Variants in ZNF608 observed in about 807,000 individuals in gnomAD.
ZNF608 encodes renal carcinoma antigen NY-REN-36.
ZNF608 carries 12 observed loss-of-function variants against 109.0 expected under a neutral mutation model. That is an observed-to-expected ratio of 0.11 (90% CI 0.07 to 0.18). The LOEUF (loss-of-function observed/expected upper bound fraction) is 0.18, where lower values mean the gene tolerates loss of function less well. Ranked by LOEUF, ZNF608 falls within the 10% of genes least tolerant of loss-of-function variation. ZNF608 has a pLI of 1.00. For missense variants in ZNF608, 1,707 were observed against 1,879.3 expected, an observed-to-expected ratio of 0.91 and a Z score of 1.70; for synonymous variants, 732 against 717.4, an observed-to-expected ratio of 1.02 and a Z score of -0.33.
chr5:124,735,494 A>T (rs1340641281), intron 2 of ZNF608, among the ~76,000 whole-genome samples: 1 of 152,258 alleles, frequency 6.6e-6, no homozygotes, highest in Non-Finnish European at 1.5e-5. Flanking sequence ...GGACCTGCTG[A>T]AGAAACCAGT....
At chr5:124,661,967 A>G (rs1751281367) in intron 3 of ZNF608, among the ~76,000 whole-genome samples, 1 of 152,058 alleles carries the variant, frequency 6.6e-6, no homozygotes. Flanking sequence ...CTGTAAACCA[A>G]CCCTCCCCAT....
intron 2 of ZNF608, among the ~76,000 whole-genome samples, chr5:124,729,467 G>T (rs752752424): frequency 6.6e-6 from 1 of 152,150 alleles, no homozygotes; most frequent in Non-Finnish European, 1.5e-5. Context: ...TTCTGAGCCC[G>T]GGAGAGGCTA....
In ZNF608 at chr5:124,744,999, G is replaced by A. The variant is rs752915969; in HGVS notation, c.-10C>T. The A allele has an allele frequency of 3.1e-6, 5 of 1,591,112 alleles. No individual in the cohort carries two copies. In the African/African-American group the frequency reaches 6.7e-5, roughly 21 times the overall value. On this transcript the variant is annotated 5_prime_UTR_variant, in exon 2 of 10. Coordinates refer to ENST00000513986, the MANE Select transcript of ZNF608 (RefSeq NM_020747.3). The surrounding 1 kb of genome is among the most constrained non-coding windows in gnomAD (Gnocchi z 4.5). ...AAATGTTCACTGACATCCTGAAGAT[G>A]AGCTCTCTAGAATAAAAATCCGATG...
At chr5:124,740,334 G>A (rs1209246372) in intron 2 of ZNF608, among the ~76,000 whole-genome samples, 1 of 152,078 alleles carries the variant, frequency 6.6e-6, no homozygotes, top group Non-Finnish European at 1.5e-5. Context: ...TGATTTGGAC[G>A]CCACCCTTAG....
At chr5:124,649,532 T>G in intron 4 of ZNF608, 78 bp downstream of exon 4, 1 of 1,176,414 alleles carries the variant, frequency 8.5e-7, no homozygotes, top group Non-Finnish European at 1.2e-6. Flanking sequence ...CACACTTTTA[T>G]GTATTATGAA....
At chr5:124,645,025 C>T (rs1750432810) in intron 5 of ZNF608, among the ~76,000 whole-genome samples, 1 of 152,210 alleles carries the variant, frequency 6.6e-6, no homozygotes, top group Admixed American at 6.5e-5. Context: ...CATCCTCAGA[C>T]ATATTTAATT....
chr5:124,702,622 T>C (rs1359172989), intron 2 of ZNF608, among the ~76,000 whole-genome samples: 1 of 152,134 alleles, frequency 6.6e-6, no homozygotes, highest in East Asian at 1.9e-4. Flanking sequence ...CATATGACTG[T>C]AGGAACTATT....
At chr5:124,707,568 C>T (rs1257866463) in intron 2 of ZNF608, among the ~76,000 whole-genome samples, 1 of 152,160 alleles carries the variant, frequency 6.6e-6, no homozygotes, top group African/African-American at 2.4e-5. Flanking sequence ...TTAATGTTCA[C>T]GTTTTCTCCA....
Position 124,646,822 on chromosome 5 carries a change from T to A in ZNF608, c.3562A>T (p.Asn1188Tyr), listed in dbSNP as rs752790780. 1 of 1,614,256 alleles carries A rather than the reference T, an allele frequency of 6.2e-7. No individual in the cohort carries two copies. Among genetic ancestry groups the A allele is most frequent in the East Asian group, 2.2e-5 (1 of 44,886 alleles). Residue 1188 changes from asparagine to tyrosine, a missense_variant, in exon 5 of 10, where the codon AAT becomes TAT. Physicochemically the swap from Asn to Tyr is moderately radical, Grantham distance 143. Around this residue, in one of 7 missense-constraint regions of ZNF608, gnomAD observed 1,073 missense variants for 1,133.5 expected, o/e 0.95. Transcript: ENST00000513986. ...EETGKSQLLS[N>Y]HQQQLQADSF... ...TCGGCCTGAAGCTGCTGCTGGTGAT[T>A]GGAGAGAAGCTGCGATTTACCTGTC...
At chr5:124,734,578 C>T (rs965057899) in intron 2 of ZNF608, 3 of 152,176 alleles carry the variant, frequency 2.0e-5, no homozygotes, top group Non-Finnish European at 4.4e-5. Flanking sequence ...CTCAGTACAA[C>T]CACCCCAGCC....
intron 2 of ZNF608, among the ~76,000 whole-genome samples, chr5:124,718,645 G>T (rs575176500): frequency 1.3e-5 from 2 of 152,282 alleles, no homozygotes; most frequent in South Asian, 4.1e-4. Flanking sequence ...GTGAAAGCTT[G>T]TCAGAGTAAT....
chr5:124,744,562 G>A lies in ZNF608; in HGVS notation c.428C>T (p.Pro143Leu), dbSNP rs1322995032. The A allele has an allele frequency of 6.2e-7, 1 of 1,614,194 alleles. No individual in the cohort carries two copies. Among genetic ancestry groups the A allele is most frequent in the Non-Finnish European group, 8.5e-7 (1 of 1,180,044 alleles). ...TGAATTCATGCCAGTTGCCTCTCCA[G>A]GGCGCCCTTGGACTTCCTGCCTCTT... ...TGKRQEVQGR[P>L]GEATGMNSAL... The change falls in exon 2 of 10, where the codon CCT becomes CTT. Residue 143 changes from proline (P) to leucine (L), a missense_variant. Physicochemically the swap from Pro to Leu is moderately conservative, Grantham distance 98. This residue lies in a region of ZNF608 where 407 missense variants were observed against 398.7 expected (regional missense o/e 1.02). Coordinates refer to ENST00000513986, the MANE Select transcript of ZNF608 (RefSeq NM_020747.3). This position sits in a 1 kb window ranked among gnomAD's most constrained non-coding sequence, Gnocchi z 4.5.
At chr5:124,684,992 C>T (rs1003957222) in intron 3 of ZNF608, among the ~76,000 whole-genome samples, 7 of 152,170 alleles carry the variant, frequency 4.6e-5, no homozygotes, top group Non-Finnish European at 8.8e-5. Context: ...ATTACAGATG[C>T]TTCTTGATTT....
intron 2 of ZNF608, among the ~76,000 whole-genome samples, chr5:124,730,554 C>T (rs1236532375): frequency 6.6e-6 from 1 of 152,168 alleles, no homozygotes; most frequent in Non-Finnish European, 1.5e-5. Context: ...AGCAGGCTTA[C>T]GGATGCAAAT....
At chr5:124,735,773 T>G (rs1749114379) in intron 2 of ZNF608, among the ~76,000 whole-genome samples, 1 of 152,206 alleles carries the variant, frequency 6.6e-6, no homozygotes, top group Non-Finnish European at 1.5e-5. Flanking sequence ...TGGAGTTGGA[T>G]GCGGAGAGGC....
chr5:124,680,336 G>T (rs577584592), intron 3 of ZNF608, among the ~76,000 whole-genome samples: 1 of 143,032 alleles, frequency 7.0e-6, no homozygotes, highest in South Asian at 2.2e-4. Context: ...GTAAAATGGG[G>T]ATATTATGGC....
At chr5:124,737,434 C>T (rs1408562687) in intron 2 of ZNF608, among the ~76,000 whole-genome samples, 1 of 152,134 alleles carries the variant, frequency 6.6e-6, no homozygotes, top group African/African-American at 2.4e-5. Flanking sequence ...TTGAAAAATC[C>T]ACAGAAGTAT....
chr5:124,686,526 A>T (rs150216282), intron 3 of ZNF608, among the ~76,000 whole-genome samples: 156 of 152,316 alleles, frequency 1.0e-3, no homozygotes, highest in Middle Eastern at 0.01. Flanking sequence ...CCAGCCACAC[A>T]TGTTTGTCTG....
At chr5:124,664,885 C>T (rs1751412055) in intron 3 of ZNF608, among the ~76,000 whole-genome samples, 1 of 152,142 alleles carries the variant, frequency 6.6e-6, no homozygotes, top group Non-Finnish European at 1.5e-5. Flanking sequence ...TTCTCAATAC[C>T]ATGTTCAAGG....
Sources: gnomAD v4.1 joint callset for allele counts (sites outside exome capture counted in the v4.1 genomes callset) on GRCh38, gnomAD v4.1.1 for gene constraint, gnomAD v4.1.1 regional missense constraint, Gnocchi (gnomAD v3.1) non-coding constraint, MANE v1.5 for transcripts, NCBI Gene and HGNC (gene_info 2026-07-23, HGNC 2026-07-21) for gene names.